Variants in LRRC4C observed in about 807,000 individuals in gnomAD.
LRRC4C encodes the protein leucine rich repeat containing 4C, also known as leucine-rich repeat-containing protein 4C.
Under a neutral mutation model 33.6 loss-of-function variants are expected in LRRC4C, and 5 were observed. That is an observed-to-expected ratio of 0.15 (90% CI 0.08 to 0.31). The LOEUF (loss-of-function observed/expected upper bound fraction) is 0.31. LRRC4C is among the 10% of genes least tolerant of loss of function. The pLI is 1.00. For synonymous variants in LRRC4C, 329 were observed against 302.0 expected, an observed-to-expected ratio of 1.09 and a Z score of -0.93; for missense variants, 560 against 796.7, an observed-to-expected ratio of 0.70 and a Z score of 3.58.
At chr11:40,244,695 T>C (rs1330391216) in intron 4 of LRRC4C, among the ~76,000 whole-genome samples, 1 of 152,054 alleles carries the variant, frequency 6.6e-6, no homozygotes, top group Admixed American at 6.6e-5. Context: ...TTAACCTGTG[T>C]TTTTTGAGTT....
chr11:40,681,671 A>C (rs1379372550), intron 2 of LRRC4C, among the ~76,000 whole-genome samples: 3 of 141,988 alleles, frequency 2.1e-5, no homozygotes, highest in Middle Eastern at 3.3e-3. Context: ...AAGCTGAGGC[A>C]GGTGGACCCC....
At chr11:41,446,221 C>T (rs536182859) in intron 1 of LRRC4C, among the ~76,000 whole-genome samples, 2 of 152,306 alleles carry the variant, frequency 1.3e-5, no homozygotes, top group South Asian at 4.1e-4. Context: ...AGATCTATTC[C>T]TGCCCCAGCT....
chr11:40,891,441 A>C (rs778487586), intron 2 of LRRC4C, among the ~76,000 whole-genome samples: 11 of 152,216 alleles, frequency 7.2e-5, no homozygotes, highest in Non-Finnish European at 1.5e-4. Flanking sequence ...CAAAATACCA[A>C]TGACATCCTT....
chr11:41,156,273 C>G (rs1944229836), intron 1 of LRRC4C, among the ~76,000 whole-genome samples: 1 of 152,034 alleles, frequency 6.6e-6, no homozygotes, highest in African/African-American at 2.4e-5. Context: ...ATATTGACCA[C>G]CGGTGGCCCA....
intron 1 of LRRC4C, among the ~76,000 whole-genome samples, chr11:41,204,192 A>T (rs1946506461): frequency 6.6e-6 from 1 of 152,248 alleles, no homozygotes; most frequent in African/African-American, 2.4e-5. Flanking sequence ...TAGAAGAGCC[A>T]TGATGTATAC....
intron 4 of LRRC4C, among the ~76,000 whole-genome samples, chr11:40,261,272 A>G (rs1941804398): frequency 6.6e-6 from 1 of 152,208 alleles, no homozygotes; most frequent in African/African-American, 2.4e-5. Context: ...TGATTTGAAA[A>G]AGAAAGAAAT....
At position 40,740,318 on chromosome 11, in the gene LRRC4C, G is replaced by GC. The variant is rs1389716327; in HGVS notation, c.-406-92041dup. Among the ~76,000 whole-genome samples, 3 of 151,788 alleles carry GC rather than the reference G, an allele frequency of 2.0e-5. No homozygotes were observed. The East Asian group carries it at 5.8e-4, about 29-fold the overall frequency. ...CTTACTTTTCTCCACATTTTCTCCA[G>GC]CATTTGTTATCTTTTGTCTTCTTGA... On this transcript the variant is annotated intron_variant, in intron 2 of 6. Coordinates refer to ENST00000528697, the MANE Select transcript of LRRC4C (RefSeq NM_001258419.2).
intron 3 of LRRC4C, among the ~76,000 whole-genome samples, chr11:40,492,201 T>C (rs1954194264): frequency 6.6e-6 from 1 of 152,192 alleles, no homozygotes; most frequent in Admixed American, 6.6e-5. Flanking sequence ...ATTTGTTGGA[T>C]TAAATTGTAT....
At chr11:40,654,278 T>C (rs747615739) in intron 2 of LRRC4C, among the ~76,000 whole-genome samples, 75 of 152,232 alleles carry the variant, frequency 4.9e-4, no homozygotes, top group Non-Finnish European at 9.6e-4. Flanking sequence ...CATTTTGCAC[T>C]GTGTGCTGGG....
chr11:40,783,691 G>A (rs971958976), intron 2 of LRRC4C, among the ~76,000 whole-genome samples: 1 of 151,898 alleles, frequency 6.6e-6, no homozygotes, highest in South Asian at 2.1e-4. Context: ...CAACAGTTTT[G>A]GAATTTGTGT....
At chr11:40,230,964 C>T (rs1306291316) in intron 5 of LRRC4C, among the ~76,000 whole-genome samples, 1 of 152,166 alleles carries the variant, frequency 6.6e-6, no homozygotes, top group Non-Finnish European at 1.5e-5. Flanking sequence ...CAGTTATTTG[C>T]TTTCATGTTC....
At chr11:40,386,855 A>G (rs983484001) in intron 3 of LRRC4C, among the ~76,000 whole-genome samples, 1 of 152,138 alleles carries the variant, frequency 6.6e-6, no homozygotes, top group Admixed American at 6.6e-5. Context: ...GCCGACATAC[A>G]TAATTCTAAT....
chr11:40,317,402 G>T (rs1945627102), intron 4 of LRRC4C, among the ~76,000 whole-genome samples: 1 of 151,964 alleles, frequency 6.6e-6, no homozygotes, highest in Non-Finnish European at 1.5e-5. Flanking sequence ...CAGGATCTAA[G>T]CACAACTTAG....
intron 2 of LRRC4C, among the ~76,000 whole-genome samples, chr11:40,710,613 G>T (rs1370350945): frequency 6.6e-6 from 1 of 152,174 alleles, no homozygotes; most frequent in Non-Finnish European, 1.5e-5. Context: ...CCGGCTGTTT[G>T]AGGTGTCTGT....
At chr11:40,887,530 C>T (rs967217466) in intron 2 of LRRC4C, among the ~76,000 whole-genome samples, 7 of 151,926 alleles carry the variant, frequency 4.6e-5, no homozygotes, top group Non-Finnish European at 1.0e-4. Flanking sequence ...TTTGCTGACC[C>T]ACTTTGAACT....
intron 3 of LRRC4C, among the ~76,000 whole-genome samples, chr11:40,621,503 GT>G (rs1320522396): frequency 6.6e-6 from 1 of 150,654 alleles, no homozygotes; most frequent in African/African-American, 2.4e-5. Flanking sequence ...ACCCTATACT[GT>G]TATAAAAATC....
At chr11:41,080,572 C>T (rs1045714405) in intron 1 of LRRC4C, among the ~76,000 whole-genome samples, 3 of 152,024 alleles carry the variant, frequency 2.0e-5, no homozygotes, top group Non-Finnish European at 4.4e-5. Context: ...AGGCTGGTCT[C>T]GAACTCCCGA....
chr11:40,679,329 G>A (rs1456375445), intron 2 of LRRC4C, among the ~76,000 whole-genome samples: 6 of 152,096 alleles, frequency 3.9e-5, no homozygotes, highest in Non-Finnish European at 4.4e-5. Flanking sequence ...AATGCAATAG[G>A]AAAGAAAACC....
intron 2 of LRRC4C, among the ~76,000 whole-genome samples, chr11:40,746,922 G>C (rs1948456716): frequency 6.6e-6 from 1 of 152,206 alleles, no homozygotes; most frequent in African/African-American, 2.4e-5. Flanking sequence ...GGGTCATCCT[G>C]CCACTGCCAC....
Sources: allele counts gnomAD v4.1 joint callset (sites outside exome capture counted in the v4.1 genomes callset), GRCh38; gene constraint gnomAD v4.1.1; transcripts MANE v1.5; gene names NCBI Gene and HGNC (gene_info 2026-07-23, HGNC 2026-07-21).